PSMD4: variants seen among roughly 807,000 people sequenced by gnomAD.
The protein encoded by PSMD4 is proteasome 26S subunit ubiquitin receptor, non-ATPase 4.
Under a neutral mutation model 39.7 loss-of-function variants are expected in PSMD4, and 5 were observed. The ratio of observed to expected loss-of-function variants is 0.13; its 90% CI spans 0.07 to 0.26. PSMD4 has a LOEUF of 0.26. Among genes scored for constraint, PSMD4 ranks in the 10% least tolerant of loss-of-function variants. PSMD4 has a pLI of 1.00. For synonymous variants in PSMD4, 143 were observed against 174.6 expected, an observed-to-expected ratio of 0.82 and a Z score of 1.43; for missense variants, 272 against 486.1, an observed-to-expected ratio of 0.56 and a Z score of 4.14.
At chr1:151,257,715 C>CTTTTTTTTTTTTT (rs71090149) in intron 1 of PSMD4, among the ~76,000 whole-genome samples, 81 of 88,726 alleles carry the variant, frequency 9.1e-4, no homozygotes, top group African/African-American at 1.5e-3. Flanking sequence ...ACCTGGCTTT[C>CTTTTTTTTTTTTT]TTTTTTTTTT....
intron 4 of PSMD4, 89 bp downstream of exon 4, chr1:151,265,007 A>T: frequency 7.3e-7 from 1 of 1,372,634 alleles, no homozygotes; most frequent in Non-Finnish European, 1.0e-6. Context: ...CAGAGGCATC[A>T]GGCTCATCAC....
chr1:151,265,918 T>C, intron 6 of PSMD4, 86 bp from the exon 7 acceptor site: 1 of 1,470,522 alleles, frequency 6.8e-7, no homozygotes, highest in Non-Finnish European at 9.0e-7. Context: ...CCCCTTTATG[T>C]TCCTTTCCCA....
rs773960789 is a variant in PSMD4 at position 151,266,579 on chromosome 1, C to T, written c.955C>T (p.Pro319Ser). The T allele has an allele frequency of 6.2e-7, 1 of 1,614,150 alleles. No homozygotes were observed. Among genetic ancestry groups the T allele is most frequent in the South Asian group, 1.1e-5 (1 of 91,078 alleles). Residue 319 changes from proline (P) to serine (S), a missense_variant, in exon 9 of 10, where the codon CCA (proline) becomes TCA (serine). Physicochemically the swap from Pro to Ser is moderately conservative, Grantham distance 74. Around this residue, in one of 3 missense-constraint regions of PSMD4, gnomAD observed 113 missense variants for 184.6 expected, o/e 0.61. Coordinates refer to ENST00000368884, the MANE Select transcript of PSMD4 (RefSeq NM_002810.4). ...DASSAMDTSE[P>S]AKEEDDYDVM... is the part of the protein sequence containing the mutation. ...CAGCTCAGCTATGGACACATCTGAG[C>T]CAGCCAAGGTGAGACCCAACCCTGC...
chr1:151,264,767 G>C, intron 3 of PSMD4, 65 bp from the exon 4 acceptor site: 1 of 1,321,110 alleles, frequency 7.6e-7, no homozygotes, highest in Non-Finnish European at 1.1e-6. Flanking sequence ...AGGGAACCGA[G>C]TGACAGAGGA....
In PSMD4 at chr1:151,267,049, G is replaced by C. The variant is rs1693466006; in HGVS notation, c.964-124G>C. The C allele has an allele frequency of 6.9e-6, 8 of 1,160,208 alleles. No individual in the cohort carries two copies. The East Asian group carries it at 1.6e-4, about 24-fold the overall frequency. The allele number at this position is 1,160,208 out of a possible 1,614,324, so 71.9% of individuals were successfully genotyped here. A position where few individuals can be genotyped will look rare whatever the true frequency, so the allele number is the denominator to read the frequency against. The stretch of plus-strand genomic sequence containing the variant: ...TGTCCTTTCCTTACGTCGACCAGAG[G>C]TGCCCAGATCCCCACACAGTCAGAA... On this transcript the variant is annotated intron_variant, in intron 9 of 9. Transcript: ENST00000368884.
Position 151,260,054 on chromosome 1 carries a change from C to T in PSMD4, c.27-2107C>T, listed in dbSNP as rs587600464. Among the ~76,000 whole-genome samples, 259 of 152,004 alleles carry T rather than the reference C, an allele frequency of 1.7e-3. 2 individuals carry two copies. Among genetic ancestry groups the T allele is most frequent in the Admixed American group, 2.7e-3 (41 of 15,278 alleles). ...TCTCTACTAAAAATACAAAATTAGC[C>T]GGGTATGGTGGTTGCATGCCTGTTA... On this transcript the variant is annotated intron_variant, in intron 1 of 9. Transcript: ENST00000368884.
chr1:151,266,225 G>A, intron 7 of PSMD4, 83 bp from the exon 8 acceptor site: 1 of 1,601,884 alleles, frequency 6.2e-7, no homozygotes, highest in South Asian at 1.1e-5. Flanking sequence ...ATATGTGGGA[G>A]GGCTGGGCTA....
rs201739700 is a variant in PSMD4 at position 151,262,279 on chromosome 1, G to A, written c.145G>A (p.Val49Met). 4 of 1,614,052 alleles carry A rather than the reference G, an allele frequency of 2.5e-6. No homozygotes were observed. The highest frequency in any genetic ancestry group is 3.4e-6 in the Non-Finnish European group (4 of 1,180,048). Residue 49 changes from valine (V) to methionine (M), a missense_variant, in exon 2 of 10, where the codon GTG becomes ATG. Val to Met is a conservative substitution (Grantham distance 21). Transcript: ENST00000368884. ...GACCCGCAGCAACCCTGAGAACAAC[G>A]TGGGCCTTATCACACTGGCTAAGTA... is the stretch of plus-strand genomic sequence containing the variant. ...SKTRSNPENN[V>M]GLITLANDCE...
intron 9 of PSMD4, 198 bp downstream of exon 9, chr1:151,266,785 G>A (rs982699883): frequency 5.0e-6 from 4 of 806,932 alleles, no homozygotes; most frequent in South Asian, 1.6e-5. Flanking sequence ...CTCTTGTTCT[G>A]TAATTTTCCT....
intron 1 of PSMD4, 87 bp downstream of exon 1, chr1:151,254,895 A>G (rs3811405): frequency 0.8 from 949,649 of 1,192,450 alleles, 380,993 homozygotes; most frequent in Middle Eastern, 0.84. Flanking sequence ...GGTGGGGGCC[A>G]GGGGCTCATG....
chr1:151,262,300 A>G lies in PSMD4; in HGVS notation c.166A>G (p.Asn56Asp). ...CAACGTGGGCCTTATCACACTGGCT[A>G]AGTATGGGGGACAGAGGAGGAGGGG... Reference protein sequence around the residue: ...ENNVGLITLANDCEVLTTLTP... With the variant: ...ENNVGLITLADDCEVLTTLTP... Residue 56 changes from asparagine to aspartate, a missense_variant and splice_region_variant, in exon 2 of 10, where the codon AAT becomes GAT. Asn to Asp is a conservative substitution (Grantham distance 23). Transcript: ENST00000368884. The G allele has an allele frequency of 1.9e-6, 3 of 1,614,126 alleles. No individual in the cohort carries two copies. The highest frequency in any genetic ancestry group is 2.5e-6 in the Non-Finnish European group (3 of 1,180,014).
chr1:151,262,506 C>T, intron 2 of PSMD4: 1 of 597,942 alleles, frequency 1.7e-6, no homozygotes. Flanking sequence ...GGTGAAATTT[C>T]TGTTTCTTTT....
In PSMD4 at chr1:151,267,329, G is replaced by C; in HGVS notation, c.1120G>C (p.Glu374Gln). The C allele has an allele frequency of 6.2e-7, 1 of 1,613,896 alleles. No individual in the cohort carries two copies. The highest frequency in any genetic ancestry group is 8.5e-7 in the Non-Finnish European group (1 of 1,179,800). ...TKDGKKDKKE[E>Q]DKK is the part of the protein sequence containing the mutation. ...GGACGGCAAGAAGGACAAGAAGGAG[G>C]AAGACAAGAAGTGAGACTGGAGGGA... The change falls in exon 10 of 10, where the codon GAA (glutamate) becomes CAA (glutamine). Residue 374 changes from glutamate to glutamine, a missense_variant. Coordinates refer to ENST00000368884, the MANE Select transcript of PSMD4 (RefSeq NM_002810.4).
intron 3 of PSMD4, 72 bp from the exon 4 acceptor site, chr1:151,264,760 G>A: frequency 8.0e-7 from 1 of 1,254,978 alleles, no homozygotes; most frequent in South Asian, 1.3e-5. Context: ...AAGAAAAAGG[G>A]AACCGAGTGA....
rs761089811 is a variant in PSMD4 at position 151,265,244 on chromosome 1, G to A, written c.438+10G>A. On this transcript the variant is annotated intron_variant, in intron 5 of 9. Transcript: ENST00000368884. ...CAATTTTGGGGAAGAGGTGAGTAGG[G>A]ACTGATTGGAGGGCATTGACTTAAT... is the stretch of plus-strand genomic sequence containing the variant. The A allele has an allele frequency of 2.2e-5, 35 of 1,611,708 alleles. No individual in the cohort carries two copies. The South Asian group carries it at 3.3e-4, about 15-fold the overall frequency.
intron 6 of PSMD4, 129 bp downstream of exon 6, chr1:151,265,738 C>A: frequency 9.5e-7 from 1 of 1,047,586 alleles, no homozygotes; most frequent in Non-Finnish European, 1.4e-6. Context: ...CCAAGACCTC[C>A]TTTTGCCGCC....
chr1:151,264,757 AGG>A, intron 3 of PSMD4, 73 bp from the exon 4 acceptor site: 1 of 1,228,734 alleles, frequency 8.1e-7, no homozygotes, highest in Non-Finnish European at 1.2e-6. Flanking sequence ...TGTAAGAAAA[AGG>A]GAACCGAGTG....
intron 1 of PSMD4, among the ~76,000 whole-genome samples, chr1:151,256,899 G>T (rs1044457348): frequency 6.6e-6 from 1 of 151,972 alleles, no homozygotes; most frequent in African/African-American, 2.4e-5. Context: ...ACAGGCATGC[G>T]CCACCACGCC....
intron 2 of PSMD4, chr1:151,262,717 A>G: frequency 5.4e-6 from 1 of 184,866 alleles, no homozygotes; most frequent in South Asian, 1.0e-4. Flanking sequence ...TACCTGTAAT[A>G]CCAGCTACTC....
Sources: allele counts gnomAD v4.1 joint callset (sites outside exome capture counted in the v4.1 genomes callset), GRCh38; gene constraint gnomAD v4.1.1; regional missense constraint gnomAD v4.1.1; transcripts MANE v1.5; gene names NCBI Gene and HGNC (gene_info 2026-07-23, HGNC 2026-07-21).